Variants in XDH observed in about 807,000 individuals in gnomAD.
XDH encodes xanthine dehydrogenase/oxidase.
XDH carries 138 observed loss-of-function variants against 156.1 expected under a neutral mutation model. That is an observed-to-expected ratio of 0.88 (90% CI 0.77 to 1.02). The LOEUF (loss-of-function observed/expected upper bound fraction) is 1.02. Among genes scored for constraint, XDH ranks in the 50% least tolerant of loss-of-function variants. The probability of loss-of-function intolerance (pLI) is 0.00; values close to 1 mark genes in which losing one functional copy is unlikely to be tolerated. For missense variants in XDH, 1,849 were observed against 1,684.9 expected, an observed-to-expected ratio of 1.10 and a Z score of -1.71; for synonymous variants, 669 against 625.7, an observed-to-expected ratio of 1.07 and a Z score of -1.03.
intron 31 of XDH, among the ~76,000 whole-genome samples, chr2:31,342,575 A>T (rs1685156583): frequency 6.6e-6 from 1 of 152,168 alleles, no homozygotes; most frequent in South Asian, 2.1e-4. Flanking sequence ...GCCTCTGCAC[A>T]GTAGAAAGAG....
chr2:31,396,563 A>C (rs1011491236), intron 6 of XDH, among the ~76,000 whole-genome samples: 4 of 152,216 alleles, frequency 2.6e-5, no homozygotes, highest in Admixed American at 2.6e-4. Flanking sequence ...AGATATTCTA[A>C]TGAAATCACC....
In XDH at chr2:31,350,214, G is replaced by A. The variant is rs767484448; in HGVS notation, c.2641C>T (p.Arg881Ter). ...CAGTTGTCCATGTGGAATAAAGCTC[G>A]TTCCATAATCTGAAGCAGAGGAAAC... ...TQDLSQSIME[R>*]ALFHMDNCYK... Residue 881 changes from arginine to a stop codon, truncating the protein, a stop_gained, in exon 25 of 36, where the codon CGA (arginine) becomes TGA (stop). Transcript: ENST00000379416. LOFTEE classifies it high-confidence loss of function. 2.5e-5 allele frequency: 40 copies of A among 1,613,954 alleles called. No homozygotes were observed. The highest frequency in any genetic ancestry group is 3.2e-5 in the Non-Finnish European group (38 of 1,180,014).
intron 24 of XDH, among the ~76,000 whole-genome samples, chr2:31,355,368 A>G (rs1685596318): frequency 6.6e-6 from 1 of 152,192 alleles, no homozygotes; most frequent in Non-Finnish European, 1.5e-5. Flanking sequence ...AATCATGGGT[A>G]CAAGCAGTAA....
Position 31,377,232 on chromosome 2 carries a change from C to A in XDH, c.1248G>T (p.Glu416Asp). The change falls in exon 14 of 36, where the codon GAG (glutamate) becomes GAT (aspartate). Residue 416 changes from glutamate (E) to aspartate (D), a missense_variant. Coordinates refer to ENST00000379416, the MANE Select transcript of XDH (RefSeq NM_000379.4). ...SIEIPYSREG[E>D]YFSAFKQASR... is the part of the protein sequence containing the mutation. The stretch of plus-strand genomic sequence containing the variant: ...AGGCCTGCTTGAATGCTGAGAAATA[C>A]TCCCCCTAAAAGAGATCAGGAAGGT... The A allele has an allele frequency of 6.2e-7, 1 of 1,614,104 alleles. No individual in the cohort carries two copies. The highest frequency in any genetic ancestry group is 1.1e-5 in the South Asian group (1 of 91,070).
chr2:31,350,366 ATCT>A, intron 24 of XDH, 143 bp from the exon 25 acceptor site: 145 of 445,570 alleles, frequency 3.3e-4, no homozygotes, highest in Middle Eastern at 6.2e-4. Context: ...TTGCAGCAGC[ATCT>A]TTTTTTTTTT....
intron 8 of XDH, 64 bp from the exon 9 acceptor site, chr2:31,386,619 T>C: frequency 6.2e-7 from 1 of 1,608,164 alleles, no homozygotes; most frequent in Non-Finnish European, 8.5e-7. Flanking sequence ...TCTTATAAAT[T>C]GCTTTAAGTC....
intron 24 of XDH, among the ~76,000 whole-genome samples, chr2:31,350,520 G>C (rs1033351990): frequency 6.6e-6 from 1 of 151,836 alleles, no homozygotes; most frequent in African/African-American, 2.4e-5. Context: ...GGGATTACAG[G>C]CACGCACCAC....
At position 31,377,176 on chromosome 2, in the gene XDH, G is replaced by T. The variant is rs1229639047; in HGVS notation, c.1304C>A (p.Thr435Asn). The change falls in exon 14 of 36, where the codon ACC (threonine) becomes AAC (asparagine). Residue 435 changes from threonine to asparagine, a missense_variant. Coordinates refer to ENST00000379416, the MANE Select transcript of XDH (RefSeq NM_000379.4). ...CTTGAATAAAACTCTCATGCCACTG[G>T]TTACCTTGGCAATGTCATCTTCTCT... ...SRREDDIAKV[T>N]SGMRVLFKPG... is the part of the protein sequence containing the mutation. 3.1e-6 allele frequency: 5 copies of T among 1,614,106 alleles called. No individual in the cohort carries two copies. The highest frequency in any genetic ancestry group is 2.2e-5 in the East Asian group (1 of 44,866).
rs371319927 is a variant in XDH at position 31,388,447 on chromosome 2, T to C, written c.496-152A>G. The C allele has an allele frequency of 2.5e-4, 200 of 813,400 alleles. 1 individual carries two copies. In the African/African-American group the frequency reaches 3.0e-3, roughly 12 times the overall value. 50.4% of individuals were successfully genotyped at this position (813,400 alleles called of 1,614,324 possible). ...CATCCTGCCTGCCTGTTGCCCAGAGTGGAGGCCTCCGCTACATTCCCTCTT... is the reference window on the plus strand; with the variant it reads ...CATCCTGCCTGCCTGTTGCCCAGAGCGGAGGCCTCCGCTACATTCCCTCTT... On this transcript the variant is annotated intron_variant, in intron 6 of 35. Transcript: ENST00000379416.
Position 31,348,155 on chromosome 2 carries a change from CA to C in XDH, c.3147+112del, listed in dbSNP as rs777874716. ...CCCGAGGCTACACGGACATAAGCAA[CA>C]GGGCCAGGGCCAGACCCCGGGCCTG... On this transcript the variant is annotated intron_variant, in intron 28 of 35. Transcript: ENST00000379416. 45 of 1,065,446 alleles carry C rather than the reference CA, an allele frequency of 4.2e-5. No individual in the cohort carries two copies. In the East Asian group the frequency reaches 8.4e-4, roughly 20 times the overall value. The allele number at this position is 1,065,446 out of a possible 1,614,324, so 66.0% of individuals were successfully genotyped here.
At chr2:31,403,379 C>T (rs1040828262) in intron 2 of XDH, among the ~76,000 whole-genome samples, 1 of 152,302 alleles carries the variant, frequency 6.6e-6, no homozygotes, top group African/African-American at 2.4e-5. Flanking sequence ...GCATCAGAAC[C>T]CCATGGACAG....
In XDH at chr2:31,403,078, G is replaced by A. The variant is rs754593222; in HGVS notation, c.167C>T (p.Ser56Phe). 18 of 1,614,034 alleles carry A rather than the reference G, an allele frequency of 1.1e-5. No homozygotes were observed. Among genetic ancestry groups the A allele is most frequent in the East Asian group, 2.2e-5 (1 of 44,868 alleles). Reference protein sequence around the residue: ...GGCGACTVMLSKYDRLQNKIV... With the variant: ...GGCGACTVMLFKYDRLQNKIV... ...CTTGTTCTGCAGACGATCATACTTGGAGAGCATCACTGTGCAAGCCCCGCA... is the reference window on the plus strand; with the variant it reads ...CTTGTTCTGCAGACGATCATACTTGAAGAGCATCACTGTGCAAGCCCCGCA... Residue 56 changes from serine (S) to phenylalanine (F), a missense_variant, in exon 3 of 36, where the codon TCC becomes TTC. Coordinates refer to ENST00000379416, the MANE Select transcript of XDH (RefSeq NM_000379.4).
Position 31,375,023 on chromosome 2 carries a change from C to CTTTTTTTTT in XDH, c.1602+348_1602+356dup, listed in dbSNP as rs60340656. 3.3e-3 allele frequency among the ~76,000 whole-genome samples: 306 copies of CTTTTTTTTT among 92,306 alleles called. 9 individuals are homozygous for CTTTTTTTTT. The highest frequency in any genetic ancestry group is 0.015 in the African/African-American group (292 of 19,934). The allele number at this position is 92,306 out of a possible 152,430, so 60.6% of individuals were successfully genotyped here. A position where few individuals can be genotyped will look rare whatever the true frequency, so the allele number is the denominator to read the frequency against. ...TCTTTCTTTCTTTCTTTCTTTCTTTCTTTTTTTTTTTTTTTTTTTGAGACA... is the reference window on the plus strand; with the variant it reads ...TCTTTCTTTCTTTCTTTCTTTCTTTCTTTTTTTTTTTTTTTTTTTTTTTTTTTTGAGACA... On this transcript the variant is annotated intron_variant, in intron 15 of 35. Transcript: ENST00000379416.
intron 13 of XDH, among the ~76,000 whole-genome samples, chr2:31,378,055 G>GAAGAAAGAAAGAAAGAAAGAAAGA (rs149074112): frequency 4.6e-5 from 3 of 65,530 alleles, no homozygotes; most frequent in African/African-American, 6.6e-5. Flanking sequence ...AGAAAGAAAG[G>GAAGAAAGAAAGAAAGAAAGAAAGA]AAGAAAGAAA....
At chr2:31,342,375 C>G in intron 31 of XDH, 78 bp from the exon 32 acceptor site, 1 of 1,272,824 alleles carries the variant, frequency 7.9e-7, no homozygotes, top group South Asian at 1.2e-5. Context: ...CAGCTTGACC[C>G]ACAACATCTT....
At chr2:31,410,381 G>A (rs1379140479) in intron 1 of XDH, among the ~76,000 whole-genome samples, 1 of 152,072 alleles carries the variant, frequency 6.6e-6, no homozygotes, top group Admixed American at 6.6e-5. Flanking sequence ...TAAATTTTAT[G>A]TATTTTACCA....
Position 31,398,602 on chromosome 2 carries a change from G to A in XDH, c.404C>T (p.Thr135Ile). 6 of 1,614,154 alleles carry A rather than the reference G, an allele frequency of 3.7e-6. No individual in the cohort carries two copies. Among genetic ancestry groups the A allele is most frequent in the Non-Finnish European group, 5.1e-6 (6 of 1,180,004 alleles). ...GAAGGCATTCTCAATCTCCTCCATG[G>A]TGGGCTCGGGCTGATTCCGGAGCAG... Reference protein sequence around the residue: ...YTLLRNQPEPTMEEIENAFQG... With the variant: ...YTLLRNQPEPIMEEIENAFQG... Residue 135 changes from threonine to isoleucine, a missense_variant, in exon 5 of 36, where the codon ACC (threonine) becomes ATC (isoleucine). By Grantham distance (89) the Thr-to-Ile change is moderately conservative. Coordinates refer to ENST00000379416, the MANE Select transcript of XDH (RefSeq NM_000379.4).
chr2:31,402,147 C>A (rs938209267), intron 3 of XDH, among the ~76,000 whole-genome samples: 2 of 152,036 alleles, frequency 1.3e-5, no homozygotes, highest in Non-Finnish European at 1.5e-5. Flanking sequence ...CTACTTCTTA[C>A]GAATATCTTT....
Position 31,339,985 on chromosome 2 carries a change from G to A in XDH, c.3586-308C>T, listed in dbSNP as rs369340577. Among the ~76,000 whole-genome samples the A allele has an allele frequency of 1.4e-4, 22 of 152,350 alleles. No homozygotes were observed. The East Asian group carries it at 2.5e-3, about 17-fold the overall frequency. ...CTTCCATGTTGCTACTGGGGAAATG[G>A]TGAGCCAAAGCTAAGAAGCAAGCTC... On this transcript the variant is annotated intron_variant, in intron 33 of 35. Coordinates refer to ENST00000379416, the MANE Select transcript of XDH (RefSeq NM_000379.4).
Sources: allele counts gnomAD v4.1 joint callset (sites outside exome capture counted in the v4.1 genomes callset), GRCh38; gene constraint gnomAD v4.1.1; transcripts MANE v1.5; gene names NCBI Gene and HGNC (gene_info 2026-07-23, HGNC 2026-07-21).